Variants in PI4K2A observed in about 807,000 individuals in gnomAD.
PI4K2A encodes the protein phosphatidylinositol 4-kinase type 2-alpha.
Under a neutral mutation model 55.0 loss-of-function variants are expected in PI4K2A, and 20 were observed. The observed-to-expected ratio is 0.36, with a 90% CI of 0.26 to 0.53. The LOEUF (loss-of-function observed/expected upper bound fraction) is 0.53. Among genes scored for constraint, PI4K2A ranks in the 20% least tolerant of loss-of-function variants. The pLI is 0.91. For synonymous variants in PI4K2A, 235 were observed against 258.5 expected (o/e 0.91, Z 0.87); for missense variants, 463 against 637.1 (o/e 0.73, Z 2.94).
chr10:97,655,294 C>T (rs529100009), intron 2 of PI4K2A, among the ~76,000 whole-genome samples: 2 of 143,634 alleles, frequency 1.4e-5, no homozygotes, highest in African/African-American at 2.6e-5. Context: ...TGCTTGAATG[C>T]GGGACTTGGA....
chr10:97,665,507 C>A (rs566407754), intron 6 of PI4K2A, among the ~76,000 whole-genome samples: 20 of 152,118 alleles, frequency 1.3e-4, no homozygotes, highest in Admixed American at 3.9e-4. Flanking sequence ...CTCCTGACTT[C>A]AGGTGATCTG....
intron 1 of PI4K2A, among the ~76,000 whole-genome samples, chr10:97,649,968 C>G (rs1390534800): frequency 6.6e-6 from 1 of 152,058 alleles, no homozygotes; most frequent in Non-Finnish European, 1.5e-5. Flanking sequence ...AGTTTTTAGT[C>G]TTTCTGTAAT....
chr10:97,673,932 C>G, exon 9 of PI4K2A: 4 of 574,210 alleles, frequency 7.0e-6, no homozygotes, highest in Non-Finnish European at 1.2e-5. Flanking sequence ...GTGCTCCTCG[C>G]CCTTCTGATG....
chr10:97,658,950 A>G (rs1296995515), intron 4 of PI4K2A, among the ~76,000 whole-genome samples: 1 of 152,176 alleles, frequency 6.6e-6, no homozygotes, highest in East Asian at 1.9e-4. Flanking sequence ...TTCTCTATAC[A>G]TTTGTTTAAA....
chr10:97,660,094 C>T (rs570367001), intron 4 of PI4K2A, among the ~76,000 whole-genome samples: 5 of 150,900 alleles, frequency 3.3e-5, no homozygotes, highest in Non-Finnish European at 7.4e-5. Context: ...CTCCGCCTCC[C>T]GGGTTCACGC....
At position 97,657,804 on chromosome 10, in the gene PI4K2A, T is replaced by G. The variant is rs547020282; in HGVS notation, c.922+830T>G. Among the ~76,000 whole-genome samples, 12 of 146,690 alleles carry G rather than the reference T, an allele frequency of 8.2e-5. No homozygotes were observed. The South Asian group carries it at 2.6e-3, about 32-fold the overall frequency. ...AGTAGTATGAAATACATTCATATTG[T>G]TGTGCAACTGTCACCACCATCCATC... On this transcript the variant is annotated intron_variant, in intron 4 of 8. Coordinates refer to ENST00000370631, the Ensembl canonical transcript of PI4K2A.
chr10:97,669,632 A>G (rs1179532397), intron 8 of PI4K2A, among the ~76,000 whole-genome samples: 1 of 152,224 alleles, frequency 6.6e-6, no homozygotes, highest in Non-Finnish European at 1.5e-5. Flanking sequence ...TTACTTGTCT[A>G]CCATTCACAC....
exon 9 of PI4K2A, chr10:97,675,263 G>A (rs2041657453): frequency 6.6e-6 from 1 of 152,520 alleles, no homozygotes; most frequent in South Asian, 2.1e-4. Context: ...GCAGAGCAGA[G>A]ATGTGCAGCC....
At chr10:97,674,746 A>G (rs2041653777) in exon 9 of PI4K2A, 1 of 152,140 alleles carries the variant, frequency 6.6e-6, no homozygotes, top group African/African-American at 2.4e-5. Flanking sequence ...CTTGGCTTCC[A>G]AGAGGACAGG....
At chr10:97,655,972 T>C (rs2041552517) in intron 2 of PI4K2A, among the ~76,000 whole-genome samples, 1 of 152,196 alleles carries the variant, frequency 6.6e-6, no homozygotes, top group Non-Finnish European at 1.5e-5. Flanking sequence ...CCGAGGTTCT[T>C]CCATGGTGTG....
chr10:97,640,980 C>T lies in PI4K2A; in HGVS notation c.238C>T (p.Gln80Ter). Reference sequence around the variant, plus strand: ...GGGCCAGACCCAAACCGTGGCGGCGCAGGCCCAGGCTCTGGCCGCTCAGGC... The same window carrying T: ...GGGCCAGACCCAAACCGTGGCGGCGTAGGCCCAGGCTCTGGCCGCTCAGGC... The change falls in exon 1 of 9, where the codon CAG becomes TAG. Residue 80 changes from glutamine (Q) to a stop codon, truncating the protein, a stop_gained. Coordinates refer to ENST00000370631, the Ensembl canonical transcript of PI4K2A. LOFTEE classifies it high-confidence loss of function. 6.5e-7 allele frequency: 1 copy of T among 1,528,420 alleles called. No homozygotes were observed. The highest frequency in any genetic ancestry group is 1.2e-5 in the South Asian group (1 of 82,934). 94.7% of individuals were successfully genotyped at this position (1,528,420 alleles called of 1,614,324 possible).
chr10:97,650,831 G>C (rs745342684), intron 1 of PI4K2A, 110 bp from the exon 2 acceptor site: 1 of 770,902 alleles, frequency 1.3e-6, no homozygotes, highest in Non-Finnish European at 2.1e-6. Flanking sequence ...CTGTAAGTAG[G>C]AATTGTCTGC....
At chr10:97,659,316 G>C (rs2041569726) in intron 4 of PI4K2A, among the ~76,000 whole-genome samples, 1 of 152,084 alleles carries the variant, frequency 6.6e-6, no homozygotes, top group Non-Finnish European at 1.5e-5. Flanking sequence ...TTACAGGTGT[G>C]AACAACTGCG....
intron 4 of PI4K2A, among the ~76,000 whole-genome samples, chr10:97,658,110 G>A (rs192923420): frequency 3.9e-5 from 6 of 152,268 alleles, no homozygotes; most frequent in Non-Finnish European, 8.8e-5. Flanking sequence ...GGGATTACAG[G>A]TGTGAGCCAC....
Position 97,656,225 on chromosome 10 carries a change from A to G in PI4K2A, c.637-60A>G. On this transcript the variant is annotated intron_variant, in intron 2 of 8. Coordinates refer to ENST00000370631, the Ensembl canonical transcript of PI4K2A. The surrounding 1 kb of genome is among the most constrained non-coding windows in gnomAD (Gnocchi z 4.5). ...AACATCAAGCTATTTATTCTCTGCCATAGTCTTCTGGTTCCTTAAACTTGA... is the reference window on the plus strand; with the variant it reads ...AACATCAAGCTATTTATTCTCTGCCGTAGTCTTCTGGTTCCTTAAACTTGA... 1 of 1,397,972 alleles carries G rather than the reference A, an allele frequency of 7.2e-7. No individual in the cohort carries two copies. The highest frequency in any genetic ancestry group is 1.0e-6 in the Non-Finnish European group (1 of 988,876). The allele number at this position is 1,397,972 out of a possible 1,614,324, so 86.6% of individuals were successfully genotyped here.
intron 1 of PI4K2A, among the ~76,000 whole-genome samples, chr10:97,646,090 A>ACTTAGGAGTGGAGAG (rs1442488940): frequency 3.3e-5 from 5 of 151,990 alleles, no homozygotes; most frequent in Non-Finnish European, 7.4e-5. Context: ...TTTCATTCTC[A>ACTTAGGAGTGGAGAG]TTTACTTAGG....
intron 1 of PI4K2A, among the ~76,000 whole-genome samples, chr10:97,642,084 A>G (rs1564772033): frequency 6.6e-6 from 1 of 152,082 alleles, no homozygotes; most frequent in African/African-American, 2.4e-5. Context: ...GCAATGGGTC[A>G]TTGGAAAGAT....
At chr10:97,676,414 T>TA (rs371792965) in exon 9 of PI4K2A, 1 of 152,272 alleles carries the variant, frequency 6.6e-6, no homozygotes, top group African/African-American at 2.4e-5. Flanking sequence ...GAGCCAAAAA[T>TA]AAAAAATCTG....
chr10:97,665,081 C>A, intron 6 of PI4K2A, 97 bp downstream of exon 6: 1 of 722,880 alleles, frequency 1.4e-6, no homozygotes, highest in Non-Finnish European at 2.3e-6. Flanking sequence ...TAGGATTATT[C>A]TAAAAATTAA....
Sources: allele counts gnomAD v4.1 joint callset (sites outside exome capture counted in the v4.1 genomes callset), GRCh38; gene constraint gnomAD v4.1.1; non-coding constraint Gnocchi (gnomAD v3.1); transcripts MANE v1.5; gene names NCBI Gene and HGNC (gene_info 2026-07-23, HGNC 2026-07-21).